The following FREM3 variants were observed in gnomAD, a reference collection of about 807,000 sequenced individuals.
The protein encoded by FREM3 is FRAS1-related extracellular matrix protein 3.
Under a neutral mutation model 129.1 loss-of-function variants are expected in FREM3, and 105 were observed. The observed-to-expected ratio is 0.81, with a 90% CI of 0.69 to 0.96. FREM3 has a LOEUF of 0.96. Ranked by LOEUF, FREM3 falls within the 40% of genes least tolerant of loss-of-function variation. The pLI is 0.00. For synonymous variants in FREM3, 1,014 were observed against 1,044.9 expected, an observed-to-expected ratio of 0.97 and a Z score of 0.57; for missense variants, 2,593 against 2,666.3, an observed-to-expected ratio of 0.97 and a Z score of 0.61.
intron 6 of FREM3, among the ~76,000 whole-genome samples, chr4:143,592,875 C>T (rs1244164270): frequency 6.6e-6 from 1 of 152,196 alleles, no homozygotes; most frequent in African/African-American, 2.4e-5. Context: ...TTCAGGTACA[C>T]CAGTCAGACG....
Position 143,589,384 on chromosome 4 carries a change from TA to T in FREM3, c.6029-3392del, listed in dbSNP as rs560485706. ...TTTTTATGGTTTCAGGTCTAACATG[TA>T]AGTCTTTAATCCATCTTGAATTAAT... On this transcript the variant is annotated intron_variant, in intron 6 of 7. Coordinates refer to ENST00000329798, the MANE Select transcript of FREM3 (RefSeq NM_001168235.2). Among the ~76,000 whole-genome samples the T allele has an allele frequency of 9.6e-3, 1,466 of 152,340 alleles. 27 individuals carry two copies. The highest frequency in any genetic ancestry group is 0.034 in the African/African-American group (1,414 of 41,554).
chr4:143,699,504 G>A lies in FREM3; in HGVS notation c.1172C>T (p.Pro391Leu). 2 of 1,537,276 alleles carry A rather than the reference G, an allele frequency of 1.3e-6. No individual in the cohort carries two copies. Among genetic ancestry groups the A allele is most frequent in the South Asian group, 2.4e-5 (2 of 84,060 alleles). ...CTCCCCATGGGAGTTCTCTGCAGGG[G>A]GCTGATAGGCAATCTTCAGCTCCCT... is the stretch of plus-strand genomic sequence containing the variant. ...ELRELKIAYQ[P>L]PAENSHGERL... Residue 391 changes from proline (P) to leucine (L), a missense_variant, in exon 1 of 8, where the codon CCC becomes CTC. Pro to Leu is a moderately conservative substitution (Grantham distance 98). Coordinates refer to ENST00000329798, the MANE Select transcript of FREM3 (RefSeq NM_001168235.2). The surrounding 1 kb of genome is among the most constrained non-coding windows in gnomAD (Gnocchi z 4.2).
intron 6 of FREM3, among the ~76,000 whole-genome samples, chr4:143,591,544 G>T (rs1738362706): frequency 6.6e-6 from 1 of 152,140 alleles, no homozygotes; most frequent in Non-Finnish European, 1.5e-5. Context: ...ATGTAGTTGA[G>T]CGGTTTTGAG....
intron 2 of FREM3, among the ~76,000 whole-genome samples, chr4:143,683,202 T>G (rs1740287220): frequency 6.6e-6 from 1 of 152,282 alleles, no homozygotes; most frequent in Admixed American, 6.5e-5. Context: ...AGATTGCAGC[T>G]CCGGACAGAG....
At chr4:143,613,355 C>T (rs771942107) in intron 5 of FREM3, among the ~76,000 whole-genome samples, 14 of 152,100 alleles carry the variant, frequency 9.2e-5, no homozygotes, top group Non-Finnish European at 1.3e-4. Flanking sequence ...GCTTTGAAAC[C>T]TTATTATCTC....
At chr4:143,669,958 C>T (rs1355932641) in intron 2 of FREM3, among the ~76,000 whole-genome samples, 1 of 152,162 alleles carries the variant, frequency 6.6e-6, no homozygotes, top group Non-Finnish European at 1.5e-5. Flanking sequence ...TCCACTCTGT[C>T]TATTGTTACA....
At chr4:143,671,383 G>T (rs1739961850) in intron 2 of FREM3, among the ~76,000 whole-genome samples, 1 of 152,040 alleles carries the variant, frequency 6.6e-6, no homozygotes. Context: ...GAATATTTAG[G>T]CCATAGATAA....
chr4:143,669,050 A>G (rs1434633192), intron 2 of FREM3, among the ~76,000 whole-genome samples: 1 of 151,814 alleles, frequency 6.6e-6, no homozygotes, highest in African/African-American at 2.4e-5. Context: ...TAGTTAAGTC[A>G]TTTACGTATT....
chr4:143,663,827 C>T (rs1739791348), intron 2 of FREM3, among the ~76,000 whole-genome samples: 1 of 152,048 alleles, frequency 6.6e-6, no homozygotes, highest in Non-Finnish European at 1.5e-5. Context: ...CGCTTCATTT[C>T]ATTCATTTCA....
At chr4:143,664,686 C>A (rs909796300) in intron 2 of FREM3, among the ~76,000 whole-genome samples, 1 of 152,188 alleles carries the variant, frequency 6.6e-6, no homozygotes, top group Non-Finnish European at 1.5e-5. Flanking sequence ...GCCCTGCCCC[C>A]AGAGGTGGAG....
At chr4:143,608,121 CAACAGCCTTAACTTAATCAGACCTG>C (rs1202033233) in intron 6 of FREM3, among the ~76,000 whole-genome samples, 11 of 152,182 alleles carry the variant, frequency 7.2e-5, no homozygotes, top group Non-Finnish European at 1.5e-4. Context: ...CGCACCATCT[CAACAGCCTTAACTTAATCAGACCTG>C]AAAAGTCCGT....
rs535317699 is a variant in FREM3, at chr4:143,611,313, G to A, written c.5994C>T (p.Thr1998=). The A allele has an allele frequency of 3.5e-4, 538 of 1,536,952 alleles. 1 individual carries two copies. Among genetic ancestry groups the A allele is most frequent in the Non-Finnish European group, 3.7e-4 (429 of 1,146,800 alleles). Reference sequence around the variant, plus strand: ...GATCAGCCAGAATAGTCACCTTAGTGGTGGGGAATCTGGCTCCCAGCTGTC... The same window carrying A: ...GATCAGCCAGAATAGTCACCTTAGTAGTGGGGAATCTGGCTCCCAGCTGTC... The part of the protein sequence containing the change: ...VGGQLGARFP[T]TKVTILADRY... Residue 1998 remains threonine (T), a synonymous_variant, in exon 6 of 8, where the codon ACC becomes ACT. Transcript: ENST00000329798.
chr4:143,647,251 T>C (rs949224886), intron 2 of FREM3, among the ~76,000 whole-genome samples: 2 of 40,002 alleles, frequency 5.0e-5, no homozygotes, highest in African/African-American at 1.1e-4. Context: ...CAGAAGAAAT[T>C]TCTATGTGAC....
intron 6 of FREM3, among the ~76,000 whole-genome samples, chr4:143,608,560 T>C (rs878893786): frequency 6.6e-6 from 1 of 152,214 alleles, no homozygotes; most frequent in Admixed American, 6.5e-5. Flanking sequence ...GAAGAAGAGA[T>C]AGAATAATTG....
chr4:143,659,837 G>T lies in FREM3; in HGVS notation c.5276-32077C>A, dbSNP rs550715110. Among the ~76,000 whole-genome samples the T allele has an allele frequency of 3.4e-3, 519 of 151,710 alleles. 6 individuals are homozygous for T. Among genetic ancestry groups the T allele is most frequent in the Admixed American group, 0.016 (247 of 15,250 alleles). On this transcript the variant is annotated intron_variant, in intron 2 of 7. Transcript: ENST00000329798. ...TTGCATTTCTCTGATGGCCAGTGAT[G>T]ATGAGCATTTTTTCATGTGTTTTTT...
intron 2 of FREM3, among the ~76,000 whole-genome samples, chr4:143,687,554 A>G (rs1031770434): frequency 6.6e-6 from 1 of 152,188 alleles, no homozygotes; most frequent in Non-Finnish European, 1.5e-5. Context: ...GAAAGGATAT[A>G]ACCAAAAATG....
chr4:143,683,556 G>A (rs1740296349), intron 2 of FREM3, among the ~76,000 whole-genome samples: 1 of 152,214 alleles, frequency 6.6e-6, no homozygotes. Context: ...ATTCCTGCCT[G>A]GCATCACAGG....
At position 143,700,030 on chromosome 4, in the gene FREM3, C is replaced by T; in HGVS notation, c.646G>A (p.Glu216Lys). 6.6e-7 allele frequency: 1 copy of T among 1,511,722 alleles called. No homozygotes were observed. The highest frequency in any genetic ancestry group is 1.4e-5 in the African/African-American group (1 of 72,620). The allele number at this position is 1,511,722 out of a possible 1,614,324, so 93.6% of individuals were successfully genotyped here. A position where few individuals can be genotyped will look rare whatever the true frequency, so the allele number is the denominator to read the frequency against. The part of the protein sequence containing the change: ...RRCRLTPLPH[E>K]DGPLPKYGRL... ...CCGTACTTGGGCAGGGGGCCGTCCT[C>T]GTGAGGAAGTGGGGTAAGCCGGCAC... The change falls in exon 1 of 8, where the codon GAG (glutamate) becomes AAG (lysine). Residue 216 changes from glutamate to lysine, a missense_variant. Physicochemically the swap from Glu to Lys is moderately conservative, Grantham distance 56 (BLOSUM62 1). Transcript: ENST00000329798.
At chr4:143,602,957 G>A (rs1004685420) in intron 6 of FREM3, among the ~76,000 whole-genome samples, 1 of 152,154 alleles carries the variant, frequency 6.6e-6, no homozygotes, top group Non-Finnish European at 1.5e-5. Flanking sequence ...GATGGAGATG[G>A]CTGTTATTGG....
Sources: allele counts gnomAD v4.1 joint callset (sites outside exome capture counted in the v4.1 genomes callset), GRCh38; gene constraint gnomAD v4.1.1; non-coding constraint Gnocchi (gnomAD v3.1); transcripts MANE v1.5; gene names NCBI Gene and HGNC (gene_info 2026-07-23, HGNC 2026-07-21).